Variants in CACNA1C observed in about 807,000 individuals in gnomAD.
The protein encoded by CACNA1C is voltage-dependent L-type calcium channel subunit alpha-1C.
Under a neutral mutation model 229.0 loss-of-function variants are expected in CACNA1C, and 30 were observed. That is an observed-to-expected ratio of 0.13 (90% CI 0.10 to 0.18). The LOEUF is 0.18. Among genes scored for constraint, CACNA1C ranks in the 10% least tolerant of loss-of-function variants. The probability of loss-of-function intolerance (pLI) is 1.00; values close to 1 mark genes in which losing one functional copy is unlikely to be tolerated. For synonymous variants in CACNA1C, 1,114 were observed against 1,132.5 expected (o/e 0.98, Z 0.33); for missense variants, 1,658 against 2,845.0 (o/e 0.58, Z 9.49).
chr12:2,618,566 AG>A (rs1234355530), intron 29 of CACNA1C, among the ~76,000 whole-genome samples: 2 of 152,208 alleles, frequency 1.3e-5, no homozygotes, highest in African/African-American at 2.4e-5. Context: ...GAAGAATGCC[AG>A]GGCCAGAATT....
intron 7 of CACNA1C, among the ~76,000 whole-genome samples, chr12:2,502,703 G>A (rs767569056): frequency 1.3e-5 from 2 of 152,214 alleles, no homozygotes; most frequent in African/African-American, 2.4e-5. Flanking sequence ...CTAGCTAGGT[G>A]TCTCGGTACT....
intron 1 of CACNA1C, among the ~76,000 whole-genome samples, chr12:1,972,175 C>G (rs1476799897): frequency 6.6e-6 from 1 of 152,204 alleles, no homozygotes; most frequent in Non-Finnish European, 1.5e-5. Context: ...TGACATTACA[C>G]AAACCTCTTC....
At position 2,678,015 on chromosome 12, in the gene CACNA1C, T is replaced by C. The variant is rs146236364; in HGVS notation, c.5091+148T>C. 6.6e-6 allele frequency: 6 copies of C among 904,026 alleles called. No individual in the cohort carries two copies. In the East Asian group the frequency reaches 1.0e-4, roughly 16 times the overall value. The allele number at this position is 904,026 out of a possible 1,614,324, so 56.0% of individuals were successfully genotyped here. A position where few individuals can be genotyped will look rare whatever the true frequency, so the allele number is the denominator to read the frequency against. On this transcript the variant is annotated intron_variant, in intron 41 of 46. Transcript: ENST00000399655. This position sits in a 1 kb window ranked among gnomAD's most constrained non-coding sequence, Gnocchi z 4.1. ...AGGCTCTTCCTGATGAGCTGTCTCC[T>C]CACCCCTTTGCCTTTTCCAAGCCTG... is the stretch of plus-strand genomic sequence containing the variant.
chr12:2,581,855 G>T lies in CACNA1C; in HGVS notation c.2103+58G>T. On this transcript the variant is annotated intron_variant, in intron 14 of 46. Coordinates refer to ENST00000399655, the MANE Select transcript of CACNA1C (RefSeq NM_000719.7). Reference sequence around the variant, plus strand: ...GGGGTGGTTGAGTGGCGGGGTGGTGGGAGGAGTGTGGGAAGCTGCACCCTT... The same window carrying T: ...GGGGTGGTTGAGTGGCGGGGTGGTGTGAGGAGTGTGGGAAGCTGCACCCTT... 3.7e-6 allele frequency: 4 copies of T among 1,078,550 alleles called. No individual in the cohort carries two copies. In the South Asian group the frequency reaches 5.5e-5, roughly 15 times the overall value. 66.8% of individuals were successfully genotyped at this position (1,078,550 alleles called of 1,614,324 possible).
At chr12:2,016,751 A>G (rs2045454379) in intron 1 of CACNA1C, among the ~76,000 whole-genome samples, 1 of 152,194 alleles carries the variant, frequency 6.6e-6, no homozygotes, top group South Asian at 2.1e-4. Flanking sequence ...TTCTGAGAAC[A>G]GTACCTGATC....
At chr12:2,097,274 T>C (rs1211823587) in intron 1 of CACNA1C, among the ~76,000 whole-genome samples, 2 of 152,144 alleles carry the variant, frequency 1.3e-5, no homozygotes, top group Middle Eastern at 3.2e-3. Flanking sequence ...GCCTCCCGTG[T>C]AGCTGGGACT....
chr12:2,648,818 C>G (rs999860292), intron 31 of CACNA1C, among the ~76,000 whole-genome samples: 2 of 152,160 alleles, frequency 1.3e-5, no homozygotes, highest in African/African-American at 4.8e-5. Context: ...ACCCTGAGGA[C>G]TCCACCGGCC....
intron 1 of CACNA1C, among the ~76,000 whole-genome samples, chr12:2,026,754 G>A (rs2047398105): frequency 6.6e-6 from 1 of 152,158 alleles, no homozygotes; most frequent in South Asian, 2.1e-4. Context: ...TTAAAAAATG[G>A]ATTGTAAAGA....
intron 1 of CACNA1C, among the ~76,000 whole-genome samples, chr12:2,000,830 A>AGT (rs1230876779): frequency 3.9e-5 from 6 of 152,194 alleles, no homozygotes; most frequent in Non-Finnish European, 8.8e-5. Context: ...TGAGGTCAGG[A>AGT]GTTCAAGACC....
At position 2,415,099 on chromosome 12, in the gene CACNA1C, C is replaced by T. The variant is rs146800285; in HGVS notation, c.478-33877C>T. Among the ~76,000 whole-genome samples, 295 of 152,316 alleles carry T rather than the reference C, an allele frequency of 1.9e-3. 1 individual carries two copies. The highest frequency in any genetic ancestry group is 4.1e-3 in the South Asian group (20 of 4,828). On this transcript the variant is annotated intron_variant, in intron 3 of 46. Coordinates refer to ENST00000399655, the MANE Select transcript of CACNA1C (RefSeq NM_000719.7). ...ACCTCTGTGGCATGCGAGTGTGGGA[C>T]CTGAACCCAGGTTCTGTCAGGGTGG...
At position 2,566,589 on chromosome 12, in the gene CACNA1C, G is replaced by A. The variant is rs772951246; in HGVS notation, c.1669+7G>A. The A allele has an allele frequency of 2.9e-5, 46 of 1,589,260 alleles. No homozygotes were observed. Among genetic ancestry groups the A allele is most frequent in the South Asian group, 5.8e-5 (5 of 86,710 alleles). On this transcript the variant is annotated splice_region_variant and intron_variant, in intron 12 of 46. Coordinates refer to ENST00000399655, the MANE Select transcript of CACNA1C (RefSeq NM_000719.7). The surrounding 1 kb of genome is among the most constrained non-coding windows in gnomAD (Gnocchi z 4.0). ...TGGCTCACAGAAGTCCAAGGTGAGC[G>A]GCGGCCCCAGCTCTGCTCTGGTTTC...
chr12:2,418,924 G>A (rs779378782), intron 3 of CACNA1C, among the ~76,000 whole-genome samples: 5 of 152,158 alleles, frequency 3.3e-5, no homozygotes, highest in East Asian at 1.9e-4. Context: ...GCCCCTTATG[G>A]TCTGTTGGAA....
chr12:2,673,732 C>CTGTT (rs900819267), intron 38 of CACNA1C, among the ~76,000 whole-genome samples: 7 of 152,306 alleles, frequency 4.6e-5, no homozygotes, highest in South Asian at 4.2e-4. Context: ...GCCCACATGA[C>CTGTT]TGTTTGCTTT....
rs181843803 is a variant in CACNA1C, at chr12:2,199,807, G to C, written c.477+79377G>C. On this transcript the variant is annotated intron_variant, in intron 3 of 46. Transcript: ENST00000399655. Reference sequence around the variant, plus strand: ...TAAAGTGGCACCATTTACTTCAGCCGAGAGGTGAAGGCTGCCGTGAGGCAG... The same window carrying C: ...TAAAGTGGCACCATTTACTTCAGCCCAGAGGTGAAGGCTGCCGTGAGGCAG... 5.4e-3 allele frequency among the ~76,000 whole-genome samples: 826 copies of C among 152,178 alleles called. 30 individuals are homozygous for C. The highest frequency in any genetic ancestry group is 0.049 in the Admixed American group (746 of 15,296).
chr12:2,195,059 C>T (rs2154305134), intron 3 of CACNA1C, among the ~76,000 whole-genome samples: 2 of 152,306 alleles, frequency 1.3e-5, no homozygotes, highest in South Asian at 4.1e-4. Flanking sequence ...AAATACACTT[C>T]CCTGAATGAA....
At chr12:2,383,478 G>C (rs1030052762) in intron 3 of CACNA1C, among the ~76,000 whole-genome samples, 1 of 152,144 alleles carries the variant, frequency 6.6e-6, no homozygotes, top group Non-Finnish European at 1.5e-5. Context: ...CCGGTTGAGC[G>C]AGGGGTCAGC....
intron 1 of CACNA1C, among the ~76,000 whole-genome samples, chr12:2,031,572 G>A (rs943600753): frequency 4.6e-5 from 7 of 152,162 alleles, no homozygotes; most frequent in African/African-American, 1.7e-4. Flanking sequence ...TGGACATGAA[G>A]CTTGAAAGCC....
intron 3 of CACNA1C, among the ~76,000 whole-genome samples, chr12:2,340,483 T>G (rs1434233513): frequency 1.3e-5 from 2 of 152,198 alleles, no homozygotes; most frequent in Non-Finnish European, 2.9e-5. Flanking sequence ...ACAATTACTC[T>G]TCTAAAACAC....
chr12:2,235,282 G>A (rs575502313), intron 3 of CACNA1C, among the ~76,000 whole-genome samples: 2 of 152,126 alleles, frequency 1.3e-5, no homozygotes, highest in Non-Finnish European at 2.9e-5. Context: ...TAACTCAGTT[G>A]CTCTGCAATG....
Sources: gnomAD v4.1 joint callset for allele counts (sites outside exome capture counted in the v4.1 genomes callset) on GRCh38, gnomAD v4.1.1 for gene constraint, Gnocchi (gnomAD v3.1) non-coding constraint, MANE v1.5 for transcripts, NCBI Gene and HGNC (gene_info 2026-07-23, HGNC 2026-07-21) for gene names.